The following CTNNA3 variants were observed in gnomAD, a reference collection of about 807,000 sequenced individuals.
CTNNA3 encodes the protein catenin alpha-3.
CTNNA3 carries 76 observed loss-of-function variants against 95.7 expected under a neutral mutation model. The ratio of observed to expected loss-of-function variants is 0.79; its 90% confidence interval spans 0.66 to 0.96. The LOEUF is 0.96. Among genes scored for constraint, CTNNA3 ranks in the 40% least tolerant of loss-of-function variants. CTNNA3 has a pLI of 0.00. For synonymous variants in CTNNA3, 431 were observed against 374.4 expected (o/e 1.15, Z -1.74); for missense variants, 1,191 against 1,089.8 (o/e 1.09, Z -1.31).
At chr10:66,995,975 T>C (rs1403555600) in intron 7 of CTNNA3, among the ~76,000 whole-genome samples, 1 of 152,228 alleles carries the variant, frequency 6.6e-6, no homozygotes, top group Non-Finnish European at 1.5e-5. Context: ...CATAAATTAT[T>C]TTCACATTAC....
intron 7 of CTNNA3, among the ~76,000 whole-genome samples, chr10:66,801,414 GC>G (rs1400653785): frequency 6.6e-6 from 1 of 151,368 alleles, no homozygotes; most frequent in Non-Finnish European, 1.5e-5. Context: ...AGTAAGTTTA[GC>G]CAGATCATAG....
At chr10:66,290,824 T>C (rs1338253660) in intron 12 of CTNNA3, among the ~76,000 whole-genome samples, 1 of 152,084 alleles carries the variant, frequency 6.6e-6, no homozygotes, top group Admixed American at 6.5e-5. Flanking sequence ...ATGTCAACAG[T>C]GAGTTACTTC....
At position 67,168,817 on chromosome 10, in the gene CTNNA3, A is replaced by C. The variant is rs180870272; in HGVS notation, c.1047+11500T>G. On this transcript the variant is annotated intron_variant, in intron 7 of 17. Coordinates refer to ENST00000433211, the MANE Select transcript of CTNNA3 (RefSeq NM_013266.4). ...AAGAGAAAGAAATAAAGGGCATCCA[A>C]ATAGGAAGAGAGGAAGTCAAACTAT... Among the ~76,000 whole-genome samples, 3 of 152,342 alleles carry C rather than the reference A, an allele frequency of 2.0e-5. No individual in the cohort carries two copies. In the East Asian group the frequency reaches 5.8e-4, roughly 29 times the overall value.
chr10:66,055,728 CCTGA>C (rs2080068567), intron 15 of CTNNA3, among the ~76,000 whole-genome samples: 1 of 151,970 alleles, frequency 6.6e-6, no homozygotes, highest in Non-Finnish European at 1.5e-5. Context: ...TTGAGACCAG[CCTGA>C]CTAACATGGT....
chr10:67,638,077 T>A (rs1357737723), intron 2 of CTNNA3, among the ~76,000 whole-genome samples: 1 of 151,988 alleles, frequency 6.6e-6, no homozygotes, highest in East Asian at 1.9e-4. Flanking sequence ...GCAAATTGGA[T>A]AAAGAGTCAA....
chr10:66,924,981 C>A (rs1232818088), intron 7 of CTNNA3, among the ~76,000 whole-genome samples: 1 of 152,072 alleles, frequency 6.6e-6, no homozygotes, highest in African/African-American at 2.4e-5. Context: ...TCTTTAGGAA[C>A]CTCAGACCAA....
chr10:66,850,708 CTT>C (rs1489351720), intron 7 of CTNNA3, among the ~76,000 whole-genome samples: 2 of 151,244 alleles, frequency 1.3e-5, no homozygotes, highest in Non-Finnish European at 2.9e-5. Flanking sequence ...AGAAAGCACA[CTT>C]AATTAAAATA....
At chr10:66,783,424 A>G (rs1023533059) in intron 7 of CTNNA3, among the ~76,000 whole-genome samples, 2 of 152,162 alleles carry the variant, frequency 1.3e-5, no homozygotes, top group African/African-American at 4.8e-5. Flanking sequence ...TTTTAATTCC[A>G]AAACTTTTTT....
intron 1 of CTNNA3, among the ~76,000 whole-genome samples, chr10:67,712,688 G>T (rs920399311): frequency 6.6e-6 from 1 of 152,206 alleles, no homozygotes; most frequent in East Asian, 1.9e-4. Context: ...ATGGGGAAAC[G>T]ATTCCCTATT....
At chr10:66,313,157 ACT>A (rs1394468395) in intron 12 of CTNNA3, among the ~76,000 whole-genome samples, 1 of 152,106 alleles carries the variant, frequency 6.6e-6, no homozygotes, top group African/African-American at 2.4e-5. Context: ...TTCCCGTAAA[ACT>A]CTGCATGGCA....
intron 7 of CTNNA3, among the ~76,000 whole-genome samples, chr10:66,924,211 G>T (rs1846942477): frequency 1.3e-5 from 2 of 152,142 alleles, no homozygotes; most frequent in Non-Finnish European, 2.9e-5. Context: ...AACTCTGGGG[G>T]AAAGCACTGC....
intron 7 of CTNNA3, among the ~76,000 whole-genome samples, chr10:66,885,368 C>T (rs1487307732): frequency 6.6e-6 from 1 of 151,844 alleles, no homozygotes; most frequent in Non-Finnish European, 1.5e-5. Context: ...ATGTAATATC[C>T]CTTTGCCTAT....
chr10:67,324,791 G>C (rs1841474742), intron 5 of CTNNA3, among the ~76,000 whole-genome samples: 1 of 150,802 alleles, frequency 6.6e-6, no homozygotes, highest in African/African-American at 2.4e-5. Flanking sequence ...TCTCACTTTT[G>C]TTTGGAATAG....
intron 5 of CTNNA3, among the ~76,000 whole-genome samples, chr10:67,441,335 A>G (rs183487966): frequency 6.6e-6 from 1 of 152,106 alleles, no homozygotes; most frequent in Admixed American, 6.5e-5. Context: ...GAAAGGGCAA[A>G]TCTAAGAATT....
At chr10:66,821,463 G>C (rs1564704598) in intron 7 of CTNNA3, among the ~76,000 whole-genome samples, 1 of 152,068 alleles carries the variant, frequency 6.6e-6, no homozygotes, top group South Asian at 2.1e-4. Flanking sequence ...TGGTAGGAAA[G>C]ATATAAACTG....
chr10:66,945,740 A>G (rs777159319), intron 7 of CTNNA3, among the ~76,000 whole-genome samples: 3 of 152,194 alleles, frequency 2.0e-5, no homozygotes, highest in Non-Finnish European at 2.9e-5. Flanking sequence ...CAAGTGAGAT[A>G]AATGTGACTC....
intron 12 of CTNNA3, among the ~76,000 whole-genome samples, chr10:66,365,401 G>C (rs941949489): frequency 6.6e-6 from 1 of 152,136 alleles, no homozygotes; most frequent in African/African-American, 2.4e-5. Flanking sequence ...GGGGGGACTA[G>C]GGGAGGGATA....
intron 12 of CTNNA3, among the ~76,000 whole-genome samples, chr10:66,351,322 T>C (rs572362970): frequency 6.6e-6 from 1 of 152,138 alleles, no homozygotes; most frequent in African/African-American, 2.4e-5. Flanking sequence ...CTGTAAGTAT[T>C]TCCTCTAATT....
At chr10:66,445,324 A>G (rs530019798) in intron 11 of CTNNA3, among the ~76,000 whole-genome samples, 1 of 152,252 alleles carries the variant, frequency 6.6e-6, no homozygotes, top group Non-Finnish European at 1.5e-5. Flanking sequence ...AAGCAGACCT[A>G]ATAGACATCT....
Sources: gnomAD v4.1 joint callset for allele counts (sites outside exome capture counted in the v4.1 genomes callset) on GRCh38, gnomAD v4.1.1 for gene constraint, MANE v1.5 for transcripts, NCBI Gene and HGNC (gene_info 2026-07-23, HGNC 2026-07-21) for gene names.